The following ULK4 variants were observed in gnomAD, a reference collection of about 807,000 sequenced individuals.
ULK4 encodes inactive serine/threonine-protein kinase ULK4.
In ULK4, 133 loss-of-function variants were observed where a neutral mutation model predicts 160.6. The ratio of observed to expected loss-of-function variants is 0.83; its 90% CI spans 0.72 to 0.96. The LOEUF is 0.96. ULK4 is among the 40% of genes least tolerant of loss of function. The pLI is 0.00. For missense variants in ULK4, 1,580 were observed against 1,499.5 expected, an observed-to-expected ratio of 1.05 and a Z score of -0.89; for synonymous variants, 534 against 539.8, an observed-to-expected ratio of 0.99 and a Z score of 0.15.
chr3:41,333,043 G>C (rs1056571426), intron 35 of ULK4, among the ~76,000 whole-genome samples: 5 of 146,866 alleles, frequency 3.4e-5, no homozygotes, highest in Non-Finnish European at 7.5e-5. Flanking sequence ...CACACTTCTA[G>C]GTAATTTATG....
intron 35 of ULK4, among the ~76,000 whole-genome samples, chr3:41,257,503 T>G (rs1404621468): frequency 1.3e-5 from 2 of 151,926 alleles, no homozygotes; most frequent in African/African-American, 4.8e-5. Flanking sequence ...GGTGTGGTGG[T>G]GCACACCTGG....
At chr3:41,452,086 T>A (rs761609843) in intron 34 of ULK4, among the ~76,000 whole-genome samples, 1 of 152,178 alleles carries the variant, frequency 6.6e-6, no homozygotes, top group Non-Finnish European at 1.5e-5. Flanking sequence ...TTGTGGGGAA[T>A]CTTCTGATTT....
intron 32 of ULK4, among the ~76,000 whole-genome samples, chr3:41,533,045 C>T (rs1443932875): frequency 8.5e-5 from 13 of 152,190 alleles, no homozygotes; most frequent in Non-Finnish European, 1.8e-4. Context: ...AATACTGCCA[C>T]CATGTTTAAA....
chr3:41,898,662 T>C (rs866885250), intron 13 of ULK4, among the ~76,000 whole-genome samples, 170 bp from the exon 14 acceptor site: 2 of 152,198 alleles, frequency 1.3e-5, no homozygotes, highest in African/African-American at 4.8e-5. Context: ...AACACACAAA[T>C]ATAGATAATA....
chr3:41,750,562 C>A (rs766418701), intron 22 of ULK4, among the ~76,000 whole-genome samples: 15 of 152,198 alleles, frequency 9.9e-5, no homozygotes, highest in Admixed American at 2.0e-4. Context: ...TTTCAAAGCA[C>A]CAATGCTATC....
intron 30 of ULK4, among the ~76,000 whole-genome samples, chr3:41,620,558 T>G (rs1465821567): frequency 6.6e-6 from 1 of 152,160 alleles, no homozygotes; most frequent in Non-Finnish European, 1.5e-5. Context: ...TTCAGTAAGA[T>G]TCAACATCCC....
intron 19 of ULK4, among the ~76,000 whole-genome samples, chr3:41,801,843 C>G (rs1206780406): frequency 5.3e-5 from 8 of 151,172 alleles, no homozygotes; most frequent in African/African-American, 1.9e-4. Context: ...AAAGCAAGAC[C>G]CTGTCTCAAA....
chr3:41,806,597 T>C (rs1165602803), intron 19 of ULK4, among the ~76,000 whole-genome samples: 1 of 152,170 alleles, frequency 6.6e-6, no homozygotes, highest in Non-Finnish European at 1.5e-5. Flanking sequence ...TTTTGGATCT[T>C]TCCTGCTTTC....
chr3:41,482,852 A>C (rs910363846), intron 32 of ULK4, among the ~76,000 whole-genome samples: 12 of 152,166 alleles, frequency 7.9e-5, no homozygotes, highest in Admixed American at 2.6e-4. Context: ...TGTGTTGTTC[A>C]GATTTTTTTA....
At chr3:41,662,883 T>C (rs1224818569) in intron 30 of ULK4, among the ~76,000 whole-genome samples, 1 of 151,194 alleles carries the variant, frequency 6.6e-6, no homozygotes, top group African/African-American at 2.4e-5. Context: ...GTACCTTCAA[T>C]AAAGATAAAA....
At chr3:41,471,167 G>A (rs1008734471) in intron 32 of ULK4, among the ~76,000 whole-genome samples, 11 of 151,958 alleles carry the variant, frequency 7.2e-5, no homozygotes, top group African/African-American at 2.2e-4. Flanking sequence ...GATATTCCAC[G>A]CAAAGGGAAA....
chr3:41,942,999 G>T lies in ULK4; in HGVS notation c.139-4802C>A, dbSNP rs1700006014. On this transcript the variant is annotated intron_variant, in intron 2 of 36. Transcript: ENST00000301831. ...GAGGCCGAGGCGGGTGGATCACGAG[G>T]TAAGGAGATCAAGACCATCCTGGCT... 2.0e-5 allele frequency among the ~76,000 whole-genome samples: 3 copies of T among 151,980 alleles called. 1 individual carries two copies. The South Asian group carries it at 6.2e-4, about 32-fold the overall frequency.
In ULK4 at chr3:41,348,206, C is replaced by CAAA. The variant is rs1197234650; in HGVS notation, c.3678+49870_3678+49872dup. Among the ~76,000 whole-genome samples, 212 of 22,958 alleles carry CAAA rather than the reference C, an allele frequency of 9.2e-3. 19 individuals carry two copies. The highest frequency in any genetic ancestry group is 0.03 in the African/African-American group (178 of 5,838). The allele number at this position is 22,958 out of a possible 152,430, so 15.1% of individuals were successfully genotyped here. A position where few individuals can be genotyped will look rare whatever the true frequency, so the allele number is the denominator to read the frequency against. The stretch of plus-strand genomic sequence containing the variant: ...CCTAGGCAAAAAAGTAACTCTGTCT[C>CAAA]AAAAAAAAAAAAAAAAAAAAAAAAA... On this transcript the variant is annotated intron_variant, in intron 35 of 36. Transcript: ENST00000301831.
intron 34 of ULK4, among the ~76,000 whole-genome samples, chr3:41,433,642 C>T (rs866666305): frequency 6.6e-6 from 1 of 152,222 alleles, no homozygotes; most frequent in African/African-American, 2.4e-5. Flanking sequence ...TATGTTCATA[C>T]AGTACCACAG....
chr3:41,562,879 A>G (rs1485968885), intron 32 of ULK4, among the ~76,000 whole-genome samples: 10 of 152,136 alleles, frequency 6.6e-5, no homozygotes, highest in Admixed American at 5.9e-4. Context: ...TAATACTGTT[A>G]TGTGTGAATT....
chr3:41,617,269 GCTAA>G (rs2033022295), intron 30 of ULK4, among the ~76,000 whole-genome samples: 1 of 152,230 alleles, frequency 6.6e-6, no homozygotes, highest in South Asian at 2.1e-4. Context: ...CACCAGCTCT[GCTAA>G]GGGACAGGCT....
intron 35 of ULK4, among the ~76,000 whole-genome samples, chr3:41,359,037 A>G (rs73067275): frequency 0.083 from 12,608 of 152,212 alleles, 722 homozygotes; most frequent in Non-Finnish European, 0.12. Context: ...GAGAGGGAAG[A>G]GTTAGAGATG....
intron 35 of ULK4, among the ~76,000 whole-genome samples, chr3:41,395,082 A>C (rs78529978): frequency 0.036 from 5,534 of 151,946 alleles, 162 homozygotes; most frequent in South Asian, 0.078. Context: ...CTTACTTCCT[A>C]ATCACCACAC....
At chr3:41,870,624 T>C (rs571600271) in intron 17 of ULK4, among the ~76,000 whole-genome samples, 1 of 152,348 alleles carries the variant, frequency 6.6e-6, no homozygotes, top group Non-Finnish European at 1.5e-5. Context: ...TACATAATTA[T>C]AGAACAATAT....
Sources: allele counts gnomAD v4.1 joint callset (sites outside exome capture counted in the v4.1 genomes callset), GRCh38; gene constraint gnomAD v4.1.1; transcripts MANE v1.5; gene names NCBI Gene and HGNC (gene_info 2026-07-23, HGNC 2026-07-21).